Variants in OSBPL9 observed in about 807,000 individuals in gnomAD.
OSBPL9 encodes the protein oxysterol-binding protein-related protein 9.
In OSBPL9, 40 loss-of-function variants were observed where a neutral mutation model predicts 106.6. That is an observed-to-expected ratio of 0.38 (90% confidence interval 0.29 to 0.49). OSBPL9 has a LOEUF of 0.49. Among genes scored for constraint, OSBPL9 ranks in the 20% least tolerant of loss-of-function variants. OSBPL9 has a pLI of 0.97. For synonymous variants in OSBPL9, 269 were observed against 295.4 expected (o/e 0.91, Z 0.92); for missense variants, 609 against 887.2 (o/e 0.69, Z 3.98).
At chr1:51,588,402 C>A (rs1169904545) in intron 1 of OSBPL9, among the ~76,000 whole-genome samples, 2 of 151,674 alleles carry the variant, frequency 1.3e-5, no homozygotes, top group African/African-American at 4.8e-5. Flanking sequence ...ATAATAACAA[C>A]AATCTCAGCA....
the OSBPL9 span, among the ~76,000 whole-genome samples, chr1:51,522,247 G>C: frequency 6.6e-6 from 1 of 152,106 alleles, no homozygotes. Context: ...TTGACAGCAG[G>C]CTTGGGTCTT....
At chr1:51,538,335 G>T in the OSBPL9 span, among the ~76,000 whole-genome samples, 1 of 152,102 alleles carries the variant, frequency 6.6e-6, no homozygotes, top group Non-Finnish European at 1.5e-5. Flanking sequence ...ACACAAAATA[G>T]AATTGTTACA....
upstream of OSBPL9, chr1:51,617,078 T>A (rs1644084545): frequency 6.7e-7 from 1 of 1,491,006 alleles, no homozygotes; most frequent in South Asian, 1.2e-5. Flanking sequence ...GCGAGTGACG[T>A]CAGGCCGTTT....
At chr1:51,518,735 T>A in the OSBPL9 span, among the ~76,000 whole-genome samples, 1 of 151,870 alleles carries the variant, frequency 6.6e-6, no homozygotes, top group Non-Finnish European at 1.5e-5. Flanking sequence ...CAACTCCTAC[T>A]GGGGGCGGCG....
chr1:51,740,647 T>C (rs1666704162), intron 4 of OSBPL9, among the ~76,000 whole-genome samples: 1 of 152,174 alleles, frequency 6.6e-6, no homozygotes, highest in Non-Finnish European at 1.5e-5. Flanking sequence ...AAGAAAGTAC[T>C]GCATATAGGA....
At chr1:51,690,003 G>A (rs562505383) in intron 3 of OSBPL9, among the ~76,000 whole-genome samples, 5 of 152,098 alleles carry the variant, frequency 3.3e-5, no homozygotes, top group Non-Finnish European at 5.9e-5. Context: ...ACATTTGAGT[G>A]AATTCTCTAA....
At chr1:51,772,237 A>T in intron 13 of OSBPL9, 55 bp downstream of exon 13, 1 of 1,413,386 alleles carries the variant, frequency 7.1e-7, no homozygotes, top group South Asian at 1.2e-5. Context: ...TTGTGGCCAG[A>T]TGTGGTGGCT....
At chr1:51,734,017 A>G (rs1203888264) in intron 4 of OSBPL9, among the ~76,000 whole-genome samples, 4 of 152,226 alleles carry the variant, frequency 2.6e-5, no homozygotes, top group Admixed American at 2.6e-4. Context: ...TATATTTGCT[A>G]TTAATATTAT....
chr1:51,561,686 T>C, the OSBPL9 span: 11 of 152,208 alleles, frequency 7.2e-5, no homozygotes, highest in Admixed American at 7.2e-4. Flanking sequence ...AATACAGCAT[T>C]TGGTACATGA....
intron 4 of OSBPL9, among the ~76,000 whole-genome samples, chr1:51,733,832 C>T (rs1479781250): frequency 6.6e-6 from 1 of 151,796 alleles, no homozygotes; most frequent in Non-Finnish European, 1.5e-5. Context: ...TTCCCCTACC[C>T]AATCTATAGG....
At chr1:51,706,520 G>C (rs1227618730) in intron 3 of OSBPL9, among the ~76,000 whole-genome samples, 1 of 151,920 alleles carries the variant, frequency 6.6e-6, no homozygotes, top group South Asian at 2.1e-4. Flanking sequence ...AATTTCATTA[G>C]TTATTTTTAG....
At chr1:51,580,926 AT>A in intron 1 of OSBPL9, among the ~76,000 whole-genome samples, 2 of 280 alleles carry the variant, frequency 7.1e-3, no homozygotes, top group Non-Finnish European at 0.011. Context: ...ATATATATAT[AT>A]ATATATATAT....
chr1:51,776,164 T>G (rs183858511), intron 14 of OSBPL9, among the ~76,000 whole-genome samples: 2 of 152,348 alleles, frequency 1.3e-5, no homozygotes, highest in East Asian at 3.9e-4. Flanking sequence ...CTTTTCTTCT[T>G]TTTGTTTATT....
chr1:51,630,237 G>A (rs1302946660), intron 1 of OSBPL9, among the ~76,000 whole-genome samples: 1 of 152,016 alleles, frequency 6.6e-6, no homozygotes, highest in East Asian at 1.9e-4. Context: ...TTTTTGGTAA[G>A]ATGCTTTTTT....
the OSBPL9 span, among the ~76,000 whole-genome samples, chr1:51,569,018 C>A: frequency 6.6e-6 from 1 of 152,180 alleles, no homozygotes; most frequent in Non-Finnish European, 1.5e-5. Flanking sequence ...CTGCACCCAG[C>A]CTTAACTTAA....
At chr1:51,712,098 G>A (rs1285990819) in intron 3 of OSBPL9, among the ~76,000 whole-genome samples, 4 of 152,072 alleles carry the variant, frequency 2.6e-5, no homozygotes, top group Non-Finnish European at 5.9e-5. Context: ...CCGAGATCAC[G>A]CCACTGCACT....
chr1:51,618,903 A>G (rs894350326), intron 1 of OSBPL9, among the ~76,000 whole-genome samples: 9 of 152,242 alleles, frequency 5.9e-5, no homozygotes, highest in African/African-American at 1.9e-4. Flanking sequence ...GGAAGGAGAA[A>G]AGTGTAAGTT....
chr1:51,543,280 G>A, the OSBPL9 span, among the ~76,000 whole-genome samples: 1 of 152,228 alleles, frequency 6.6e-6, no homozygotes, highest in Non-Finnish European at 1.5e-5. Flanking sequence ...ATAAACTTGA[G>A]ATCTTCTCCT....
At chr1:51,660,075 T>G (rs1350694544) in intron 2 of OSBPL9, among the ~76,000 whole-genome samples, 2 of 152,142 alleles carry the variant, frequency 1.3e-5, no homozygotes, top group African/African-American at 2.4e-5. Flanking sequence ...TGATAGAGCG[T>G]TACAAATCAG....
Sources: allele counts gnomAD v4.1 joint callset (sites outside exome capture counted in the v4.1 genomes callset), GRCh38; gene constraint gnomAD v4.1.1; transcripts MANE v1.5; gene names NCBI Gene and HGNC (gene_info 2026-07-23, HGNC 2026-07-21).